Variants in TIAM1 observed in about 807,000 individuals in gnomAD.
TIAM1 encodes TIAM Rac1 associated GEF 1, also known as rho guanine nucleotide exchange factor TIAM1.
TIAM1 carries 65 observed loss-of-function variants against 163.5 expected under a neutral mutation model. That is an observed-to-expected ratio of 0.40 (90% confidence interval 0.33 to 0.49). TIAM1 has a LOEUF of 0.49. Ranked by LOEUF, TIAM1 falls within the 20% of genes least tolerant of loss-of-function variation. TIAM1 has a pLI of 0.77. For missense variants in TIAM1, 1,789 were observed against 2,044.7 expected (o/e 0.87, Z 2.41); for synonymous variants, 833 against 810.1 (o/e 1.03, Z -0.48).
chr21:31,347,004 G>C (rs538792417), upstream of TIAM1, among the ~76,000 whole-genome samples: 4 of 152,182 alleles, frequency 2.6e-5, no homozygotes, highest in East Asian at 7.7e-4. Flanking sequence ...GGACGTGGGG[G>C]AACAGTAGGT....
At chr21:31,473,532 T>C (rs1309102902) in intron 1 of TIAM1, among the ~76,000 whole-genome samples, 2 of 151,756 alleles carry the variant, frequency 1.3e-5, no homozygotes, top group East Asian at 3.9e-4. Context: ...TTTTGTTTTT[T>C]TTTGCTGTTG....
intron 2 of TIAM1, among the ~76,000 whole-genome samples, chr21:31,401,241 A>C (rs976947638): frequency 6.6e-6 from 1 of 152,232 alleles, no homozygotes; most frequent in Non-Finnish European, 1.5e-5. Context: ...CTAAATATTC[A>C]TTGGTGATGT....
At chr21:31,156,550 G>A (rs976192094) in intron 16 of TIAM1, among the ~76,000 whole-genome samples, 4 of 152,158 alleles carry the variant, frequency 2.6e-5, no homozygotes, top group African/African-American at 9.7e-5. Context: ...TATTTAGTTA[G>A]CTAGAATTTC....
In TIAM1 at chr21:31,182,622, G is replaced by T. The variant is rs746527949; in HGVS notation, c.2686C>A (p.Leu896Ile). 1 of 1,611,358 alleles carries T rather than the reference G, an allele frequency of 6.2e-7. No individual in the cohort carries two copies. The highest frequency in any genetic ancestry group is 1.1e-5 in the South Asian group (1 of 90,404). ...TCAGCAGCACGATTATTGATCTCAA[G>T]AATCTCATCTCCTGCTTTCAGGCCT... ...KKGLKAGDEI[L>I]EINNRAADAL... is the part of the protein sequence containing the mutation. Residue 896 changes from leucine (L) to isoleucine (I), a missense_variant, in exon 15 of 28, where the codon CTT becomes ATT. By Grantham distance (5) the Leu-to-Ile change is conservative. Around this residue, in one of 5 missense-constraint regions of TIAM1, gnomAD observed 303 missense variants for 321.3 expected, o/e 0.94. Coordinates refer to ENST00000541036, the MANE Select transcript of TIAM1 (RefSeq NM_001353694.2).
At chr21:31,234,674 G>A (rs901639898) in intron 6 of TIAM1, among the ~76,000 whole-genome samples, 7 of 151,956 alleles carry the variant, frequency 4.6e-5, no homozygotes, top group African/African-American at 1.2e-4. Context: ...CCAGATATTC[G>A]AGAGGCTGAG....
chr21:31,469,102 A>C (rs1219971661), intron 1 of TIAM1, among the ~76,000 whole-genome samples: 2 of 63,076 alleles, frequency 3.2e-5, no homozygotes, highest in Non-Finnish European at 5.6e-5. Context: ...TTTTTTTTTG[A>C]GACAGGGTCT....
At chr21:31,177,917 T>C (rs1473076426) in intron 15 of TIAM1, among the ~76,000 whole-genome samples, 1 of 152,188 alleles carries the variant, frequency 6.6e-6, no homozygotes, top group Non-Finnish European at 1.5e-5. Flanking sequence ...AGCAAGGCTC[T>C]CTGTCGAGGA....
At chr21:31,447,645 T>C (rs2044675733) in intron 2 of TIAM1, among the ~76,000 whole-genome samples, 1 of 152,118 alleles carries the variant, frequency 6.6e-6, no homozygotes, top group African/African-American at 2.4e-5. Context: ...AGACTGTGGC[T>C]CACGTGTTTC....
At chr21:31,305,185 T>G (rs1033855603) in intron 2 of TIAM1, among the ~76,000 whole-genome samples, 2 of 152,212 alleles carry the variant, frequency 1.3e-5, no homozygotes, top group Non-Finnish European at 2.9e-5. Flanking sequence ...TCCACTAAAA[T>G]GCTGACTTTT....
intron 1 of TIAM1, among the ~76,000 whole-genome samples, chr21:31,525,475 A>T (rs1017768623): frequency 1.3e-5 from 2 of 152,052 alleles, no homozygotes; most frequent in African/African-American, 4.8e-5. Context: ...CAAGACCCAA[A>T]CACCTCTCAC....
intron 2 of TIAM1, among the ~76,000 whole-genome samples, chr21:31,288,882 T>C (rs550826277): frequency 2.6e-5 from 4 of 152,288 alleles, no homozygotes; most frequent in Admixed American, 2.0e-4. Context: ...GCCTCAGCCT[T>C]GGCATCATAA....
chr21:31,551,941 G>A (rs1204511545), intron 1 of TIAM1, among the ~76,000 whole-genome samples: 1 of 151,954 alleles, frequency 6.6e-6, no homozygotes, highest in East Asian at 1.9e-4. Context: ...TATCAGGCTG[G>A]ATGGGAATAA....
chr21:31,350,801 C>CT (rs2076221959), intron 2 of TIAM1, among the ~76,000 whole-genome samples: 1 of 152,216 alleles, frequency 6.6e-6, no homozygotes, highest in Non-Finnish European at 1.5e-5. Context: ...TCAGGTATTT[C>CT]TTTATAGCAA....
chr21:31,412,543 A>T (rs1216234311), intron 2 of TIAM1, among the ~76,000 whole-genome samples: 2 of 152,042 alleles, frequency 1.3e-5, no homozygotes, highest in African/African-American at 4.8e-5. Flanking sequence ...GCACTTTGGG[A>T]GGCTGAGGCA....
At chr21:31,151,940 T>C (rs929501778) in intron 19 of TIAM1, among the ~76,000 whole-genome samples, 1 of 152,002 alleles carries the variant, frequency 6.6e-6, no homozygotes, top group Non-Finnish European at 1.5e-5. Context: ...GTCTTTCCCC[T>C]GGATAATGAT....
chr21:31,296,200 G>C (rs1163273067), intron 2 of TIAM1, among the ~76,000 whole-genome samples: 1 of 152,018 alleles, frequency 6.6e-6, no homozygotes, highest in Non-Finnish European at 1.5e-5. Context: ...TGAAATCCTT[G>C]GGAAAGGAAA....
chr21:31,332,348 C>G (rs2075701901), intron 2 of TIAM1, among the ~76,000 whole-genome samples: 1 of 152,078 alleles, frequency 6.6e-6, no homozygotes, highest in Non-Finnish European at 1.5e-5. Context: ...GCCAACTATA[C>G]AGAGAGAAAT....
chr21:31,130,977 G>T, intron 23 of TIAM1, 29 bp from the exon 24 acceptor site: 1 of 1,597,836 alleles, frequency 6.3e-7, no homozygotes, highest in South Asian at 1.1e-5. Context: ...AGACAGTTAT[G>T]GTATGTCATG....
chr21:31,138,399 T>C (rs966829981), intron 22 of TIAM1, among the ~76,000 whole-genome samples: 3 of 152,234 alleles, frequency 2.0e-5, no homozygotes, highest in Admixed American at 6.5e-5. Flanking sequence ...CCTAGAATGT[T>C]ACCATTTTAC....
Sources: gnomAD v4.1 joint callset for allele counts (sites outside exome capture counted in the v4.1 genomes callset) on GRCh38, gnomAD v4.1.1 for gene constraint, gnomAD v4.1.1 regional missense constraint, MANE v1.5 for transcripts, NCBI Gene and HGNC (gene_info 2026-07-23, HGNC 2026-07-21) for gene names.